The following TFDP2 variants were observed in gnomAD, a reference collection of about 807,000 sequenced individuals.
TFDP2 encodes transcription factor Dp-2, also known as transcription factor Dp-2 (E2F dimerization partner 2).
A neutral mutation model predicts 59.3 loss-of-function variants in TFDP2; 17 were observed. The ratio of observed to expected loss-of-function variants is 0.29; its 90% CI spans 0.20 to 0.43. The LOEUF (loss-of-function observed/expected upper bound fraction) is 0.43, where lower values mean the gene tolerates loss of function less well. Among genes scored for constraint, TFDP2 ranks in the 20% least tolerant of loss-of-function variants. TFDP2 has a pLI of 1.00. For missense variants in TFDP2, 391 were observed against 528.8 expected (o/e 0.74, Z 2.56); for synonymous variants, 180 against 194.7 (o/e 0.92, Z 0.63).
intron 3 of TFDP2, among the ~76,000 whole-genome samples, chr3:142,078,809 C>A (rs576875789): frequency 1.3e-5 from 2 of 152,074 alleles, no homozygotes; most frequent in Non-Finnish European, 2.9e-5. Flanking sequence ...CTAAGTAAGA[C>A]ACCAGTAACC....
At chr3:142,103,152 T>C (rs919268356) in intron 1 of TFDP2, among the ~76,000 whole-genome samples, 1 of 151,922 alleles carries the variant, frequency 6.6e-6, no homozygotes, top group African/African-American at 2.4e-5. Flanking sequence ...GCAGGAGAAT[T>C]GCTTGAACTC....
intron 3 of TFDP2, among the ~76,000 whole-genome samples, chr3:142,084,614 C>G (rs528125469): frequency 6.6e-6 from 1 of 152,128 alleles, no homozygotes; most frequent in South Asian, 2.1e-4. Flanking sequence ...AAATGTGGTA[C>G]ATGTACACAG....
At chr3:142,005,862 TGTAACGC>T (rs1249645630) in intron 3 of TFDP2, among the ~76,000 whole-genome samples, 2 of 152,176 alleles carry the variant, frequency 1.3e-5, no homozygotes, top group Non-Finnish European at 2.9e-5. Flanking sequence ...TTAGAGAATA[TGTAACGC>T]AAATCACAGT....
At chr3:142,032,125 T>A (rs1385632870) in intron 3 of TFDP2, among the ~76,000 whole-genome samples, 1 of 151,890 alleles carries the variant, frequency 6.6e-6, no homozygotes, top group Non-Finnish European at 1.5e-5. Context: ...GAGAGAGGGT[T>A]TTGTTCTTTC....
intron 6 of TFDP2, among the ~76,000 whole-genome samples, chr3:141,980,063 C>CA (rs1233193323): frequency 6.6e-6 from 1 of 151,300 alleles, no homozygotes; most frequent in East Asian, 1.9e-4. Context: ...TGCATGTCAC[C>CA]ATGCCTCGCT....
intron 1 of TFDP2, among the ~76,000 whole-genome samples, chr3:142,128,608 G>A (rs781775247): frequency 6.6e-6 from 1 of 150,886 alleles, no homozygotes; most frequent in Non-Finnish European, 1.5e-5. Context: ...GAAATAAAGA[G>A]GCCAAGATAA....
chr3:142,073,418 A>G (rs1271801196), intron 3 of TFDP2, among the ~76,000 whole-genome samples: 1 of 147,960 alleles, frequency 6.8e-6, no homozygotes, highest in Non-Finnish European at 1.5e-5. Flanking sequence ...AACAAAAGAA[A>G]GATATCAACT....
chr3:142,022,234 C>T (rs545856573), intron 3 of TFDP2, among the ~76,000 whole-genome samples: 23 of 152,276 alleles, frequency 1.5e-4, no homozygotes, highest in African/African-American at 5.5e-4. Flanking sequence ...CTGAGCTCCA[C>T]TGGACACCTA....
intron 11 of TFDP2, 31 bp from the exon 12 acceptor site, chr3:141,953,047 G>A (rs750481482): frequency 1.5e-5 from 23 of 1,519,426 alleles, no homozygotes; most frequent in East Asian, 4.5e-5. Flanking sequence ...AAAAAATGTC[G>A]GTCCTGCAAG....
intron 3 of TFDP2, among the ~76,000 whole-genome samples, chr3:142,035,533 C>T (rs557486985): frequency 1.3e-5 from 2 of 152,252 alleles, no homozygotes; most frequent in South Asian, 4.1e-4. Context: ...GATGAGAAAA[C>T]GTAGGCTTAC....
intron 3 of TFDP2, among the ~76,000 whole-genome samples, chr3:142,019,870 C>T (rs910199798): frequency 5.3e-5 from 8 of 152,188 alleles, no homozygotes; most frequent in African/African-American, 1.9e-4. Context: ...CACTGATCTG[C>T]CTCTTCATAT....
At chr3:142,142,794 T>C (rs2063005722) in intron 1 of TFDP2, among the ~76,000 whole-genome samples, 2 of 151,890 alleles carry the variant, frequency 1.3e-5, no homozygotes, top group Admixed American at 6.6e-5. Context: ...CAGAAACAAA[T>C]CCACACACCT....
At chr3:142,138,211 G>C (rs1217866415) in intron 1 of TFDP2, among the ~76,000 whole-genome samples, 1 of 152,068 alleles carries the variant, frequency 6.6e-6, no homozygotes, top group Non-Finnish European at 1.5e-5. Context: ...CTGTGGGATT[G>C]GTGGTGATAT....
chr3:141,969,164 A>T (rs377132490), intron 9 of TFDP2, among the ~76,000 whole-genome samples: 40 of 73,040 alleles, frequency 5.5e-4, no homozygotes, highest in African/African-American at 3.8e-3. Flanking sequence ...TATATATATA[A>T]CATATATATA....
At chr3:142,000,845 G>A (rs753732770) in intron 4 of TFDP2, among the ~76,000 whole-genome samples, 1 of 152,202 alleles carries the variant, frequency 6.6e-6, no homozygotes, top group Non-Finnish European at 1.5e-5. Flanking sequence ...TAACTTTTAA[G>A]GCTTCAGAAT....
intron 11 of TFDP2, among the ~76,000 whole-genome samples, chr3:141,958,947 CTTTTTTT>C (rs984082447): frequency 2.9e-5 from 3 of 103,684 alleles, no homozygotes; most frequent in Non-Finnish European, 3.7e-5. Flanking sequence ...GATGTACCTA[CTTTTTTT>C]TTTTTTTTTT....
intron 2 of TFDP2, among the ~76,000 whole-genome samples, chr3:142,095,040 G>C (rs1017301002): frequency 6.6e-6 from 1 of 151,528 alleles, no homozygotes; most frequent in African/African-American, 2.4e-5. Flanking sequence ...GCTCAGGCTG[G>C]AGTGCAGTGG....
chr3:142,101,422 C>T (rs2061317295), intron 2 of TFDP2, among the ~76,000 whole-genome samples: 1 of 151,414 alleles, frequency 6.6e-6, no homozygotes, highest in African/African-American at 2.4e-5. Flanking sequence ...AGTAACCCTC[C>T]AGCAAGTACC....
chr3:141,984,349 T>C (rs1279211978), intron 6 of TFDP2, among the ~76,000 whole-genome samples: 2 of 152,018 alleles, frequency 1.3e-5, no homozygotes, highest in African/African-American at 4.8e-5. Context: ...AATACAAAAA[T>C]TAGCTGGTGT....
Sources: allele counts gnomAD v4.1 joint callset (sites outside exome capture counted in the v4.1 genomes callset), GRCh38; gene constraint gnomAD v4.1.1; transcripts MANE v1.5; gene names NCBI Gene and HGNC (gene_info 2026-07-23, HGNC 2026-07-21).